Variants in KYNU observed in about 807,000 individuals in gnomAD.
The protein encoded by KYNU is L-kynurenine hydrolase.
KYNU carries 54 observed loss-of-function variants against 59.2 expected under a neutral mutation model. The observed-to-expected ratio is 0.91, with a 90% CI of 0.73 to 1.14. The LOEUF is 1.14. KYNU is among the 50% of genes most tolerant of loss of function. The probability of loss-of-function intolerance (pLI) is 0.00; values close to 1 mark genes in which losing one functional copy is unlikely to be tolerated. For synonymous variants in KYNU, 177 were observed against 192.0 expected (o/e 0.92, Z 0.65); for missense variants, 567 against 554.4 (o/e 1.02, Z -0.23).
intron 10 of KYNU, among the ~76,000 whole-genome samples, chr2:143,023,172 A>G (rs1208271273): frequency 6.6e-6 from 1 of 151,908 alleles, no homozygotes; most frequent in Admixed American, 6.5e-5. Flanking sequence ...AGCTTTTAAA[A>G]ATCATTCTTA....
At chr2:142,945,453 T>G (rs187799197) in intron 4 of KYNU, among the ~76,000 whole-genome samples, 76 of 152,368 alleles carry the variant, frequency 5.0e-4, no homozygotes, top group Admixed American at 8.5e-4. Flanking sequence ...AGTCACATCT[T>G]CAGGCTCCAC....
intron 8 of KYNU, among the ~76,000 whole-genome samples, chr2:142,961,779 A>C (rs1334504855): frequency 6.6e-6 from 1 of 152,188 alleles, no homozygotes; most frequent in African/African-American, 2.4e-5. Context: ...CAACAGTCAC[A>C]ATTTGTGTTT....
chr2:142,898,328 GA>G (rs961229104), intron 2 of KYNU, among the ~76,000 whole-genome samples: 21 of 151,516 alleles, frequency 1.4e-4, no homozygotes, highest in African/African-American at 4.4e-4. Flanking sequence ...CCAATCCCAG[GA>G]CTTTGCTTCC....
chr2:142,942,175 GAAA>G (rs902662290), intron 4 of KYNU, among the ~76,000 whole-genome samples: 1 of 118,496 alleles, frequency 8.4e-6, no homozygotes, highest in Non-Finnish European at 1.8e-5. Flanking sequence ...AAAAAAAAAA[GAAA>G]AAAAAAAAAG....
At chr2:142,925,034 G>A (rs1396704668) in intron 3 of KYNU, among the ~76,000 whole-genome samples, 2 of 152,160 alleles carry the variant, frequency 1.3e-5, no homozygotes, top group African/African-American at 2.4e-5. Flanking sequence ...TTACCACGGT[G>A]TCTACCAGAG....
chr2:143,006,724 G>T (rs1194790120), intron 10 of KYNU, among the ~76,000 whole-genome samples: 1 of 151,640 alleles, frequency 6.6e-6, no homozygotes, highest in African/African-American at 2.4e-5. Context: ...CTGGCAGACT[G>T]CCTCCTCAAG....
intron 2 of KYNU, among the ~76,000 whole-genome samples, chr2:142,908,514 T>A (rs1454889612): frequency 1.3e-5 from 2 of 151,856 alleles, no homozygotes; most frequent in African/African-American, 2.4e-5. Flanking sequence ...AAAAAAAATA[T>A]GCCTATATTA....
At position 143,033,795 on chromosome 2, in the gene KYNU, A is replaced by T. The variant is rs141174529; in HGVS notation, c.1041+474A>T. Among the ~76,000 whole-genome samples the T allele has an allele frequency of 5.1e-4, 78 of 152,318 alleles. 2 individuals carry two copies. Among genetic ancestry groups the T allele is most frequent in the African/African-American group, 1.8e-3 (76 of 41,568 alleles). ...TTGTAGGTGAATGAACTGACCAAGTACCATGTGACAAAGCTAGGAAAGACT... is the reference window on the plus strand; with the variant it reads ...TTGTAGGTGAATGAACTGACCAAGTTCCATGTGACAAAGCTAGGAAAGACT... On this transcript the variant is annotated intron_variant, in intron 12 of 13. Transcript: ENST00000264170.
chr2:142,877,779 A>G (rs1467273945), intron 1 of KYNU, 43 bp downstream of exon 1: 1 of 151,812 alleles, frequency 6.6e-6, no homozygotes, highest in African/African-American at 2.4e-5. Flanking sequence ...CCTAATGTTT[A>G]CTCCATGTTT....
chr2:142,993,613 C>A (rs1222243136), intron 10 of KYNU, among the ~76,000 whole-genome samples: 1 of 151,972 alleles, frequency 6.6e-6, no homozygotes, highest in African/African-American at 2.4e-5. Context: ...TTTAAAAAAT[C>A]TTCCTGGCTT....
At chr2:143,010,805 A>G (rs1686070586) in intron 10 of KYNU, among the ~76,000 whole-genome samples, 1 of 145,302 alleles carries the variant, frequency 6.9e-6, no homozygotes, top group Admixed American at 6.8e-5. Flanking sequence ...AAAACAAGCA[A>G]TGGGGAAAGG....
chr2:142,947,084 T>C lies in KYNU; in HGVS notation c.374-7726T>C, dbSNP rs16858359. The C allele has an allele frequency of 1.8e-3, 2,740 of 1,550,944 alleles. 46 individuals carry two copies. In the African/African-American group the frequency reaches 0.033, roughly 19 times the overall value. ...AACTCCTGTGACTAATGTCAAACAA[T>C]ATGTCCTTTTGTTGCTTTTTTCAGC... On this transcript the variant is annotated intron_variant, in intron 4 of 13. Coordinates refer to ENST00000264170, the MANE Select transcript of KYNU (RefSeq NM_003937.3).
At chr2:142,978,004 C>T (rs953049369) in intron 8 of KYNU, among the ~76,000 whole-genome samples, 2 of 152,154 alleles carry the variant, frequency 1.3e-5, no homozygotes, top group African/African-American at 4.8e-5. Context: ...TGAATCATAA[C>T]ACTTGAATGA....
At chr2:142,938,071 G>C (rs1157108911) in intron 4 of KYNU, among the ~76,000 whole-genome samples, 1 of 152,088 alleles carries the variant, frequency 6.6e-6, no homozygotes, top group African/African-American at 2.4e-5. Flanking sequence ...AGAGTAGAGG[G>C]TACCTCCTCA....
At position 142,906,725 on chromosome 2, in the gene KYNU, G is replaced by T. The variant is rs1463306184; in HGVS notation, c.170-11884G>T. Among the ~76,000 whole-genome samples the T allele has an allele frequency of 5.3e-5, 8 of 152,134 alleles. No homozygotes were observed. The East Asian group carries it at 1.3e-3, about 26-fold the overall frequency. ...ACACTTTCAAGAAAGTCATGGTTAGGACCCAAGAGGTATGGGTCAGAAGGA... is the reference window on the plus strand; with the variant it reads ...ACACTTTCAAGAAAGTCATGGTTAGTACCCAAGAGGTATGGGTCAGAAGGA... On this transcript the variant is annotated intron_variant, in intron 2 of 13. Transcript: ENST00000264170.
At chr2:142,988,782 A>C in intron 10 of KYNU, 1 of 1,159,800 alleles carries the variant, frequency 8.6e-7, no homozygotes, top group Middle Eastern at 2.0e-4. Flanking sequence ...CAGTGCTGTC[A>C]ACTTCTAGCC....
chr2:142,919,197 T>C (rs929902086), intron 3 of KYNU, among the ~76,000 whole-genome samples: 2 of 152,238 alleles, frequency 1.3e-5, no homozygotes, highest in Non-Finnish European at 2.9e-5. Flanking sequence ...TCTCATTTGA[T>C]TGATGAAATA....
chr2:142,951,161 C>T (rs980333896), intron 4 of KYNU, among the ~76,000 whole-genome samples: 2 of 152,122 alleles, frequency 1.3e-5, no homozygotes, highest in Non-Finnish European at 2.9e-5. Flanking sequence ...AAATGTGATA[C>T]AGAGACATGA....
chr2:142,989,599 A>G (rs1685331347), intron 10 of KYNU: 6 of 633,510 alleles, frequency 9.5e-6, no homozygotes, highest in African/African-American at 2.0e-5. Context: ...TATATGTTTG[A>G]ATTATGTGTT....
Sources: gnomAD v4.1 joint callset for allele counts (sites outside exome capture counted in the v4.1 genomes callset) on GRCh38, gnomAD v4.1.1 for gene constraint, MANE v1.5 for transcripts, NCBI Gene and HGNC (gene_info 2026-07-23, HGNC 2026-07-21) for gene names.